The following PLCB1 variants were observed in gnomAD, a reference collection of about 807,000 sequenced individuals.
PLCB1 encodes 1-phosphatidylinositol 4,5-bisphosphate phosphodiesterase beta-1.
In PLCB1, 46 loss-of-function variants were observed where a neutral mutation model predicts 161.8. That is an observed-to-expected ratio of 0.28 (90% CI 0.22 to 0.36). The LOEUF is 0.36. Among genes scored for constraint, PLCB1 ranks in the 10% least tolerant of loss-of-function variants. The pLI, the probability that PLCB1 is intolerant of heterozygous loss-of-function variation, is 1.00. For synonymous variants in PLCB1, 517 were observed against 503.7 expected, an observed-to-expected ratio of 1.03 and a Z score of -0.35; for missense variants, 1,016 against 1,472.5, an observed-to-expected ratio of 0.69 and a Z score of 5.07.
At chr20:8,628,934 A>G (rs1383286447) in intron 4 of PLCB1, among the ~76,000 whole-genome samples, 1 of 136,082 alleles carries the variant, frequency 7.3e-6, no homozygotes, top group Non-Finnish European at 1.7e-5. Flanking sequence ...CTGTATCTCA[A>G]AAAAAAAAAA....
chr20:8,547,544 C>T (rs193086173), intron 3 of PLCB1, among the ~76,000 whole-genome samples: 4 of 141,144 alleles, frequency 2.8e-5, no homozygotes, highest in Admixed American at 1.4e-4. Context: ...CCTCATTGCC[C>T]ATATCTAACC....
At chr20:8,324,002 A>G (rs1270086784) in intron 2 of PLCB1, among the ~76,000 whole-genome samples, 2 of 152,220 alleles carry the variant, frequency 1.3e-5, no homozygotes, top group Admixed American at 1.3e-4. Context: ...CTGAAGATTT[A>G]GAAGTATGAT....
chr20:8,790,686 T>C (rs1285591049), intron 31 of PLCB1, among the ~76,000 whole-genome samples: 1 of 152,156 alleles, frequency 6.6e-6, no homozygotes, highest in Non-Finnish European at 1.5e-5. Context: ...ATCACTTTGG[T>C]TTTTATCTAG....
At chr20:8,520,581 TA>T (rs1984309999) in intron 3 of PLCB1, among the ~76,000 whole-genome samples, 1 of 152,184 alleles carries the variant, frequency 6.6e-6, no homozygotes, top group Admixed American at 6.5e-5. Context: ...CACAGAACTT[TA>T]ACAAATATAC....
intron 3 of PLCB1, among the ~76,000 whole-genome samples, chr20:8,553,699 C>T (rs1025197378): frequency 6.6e-6 from 1 of 151,944 alleles, no homozygotes; most frequent in African/African-American, 2.4e-5. Flanking sequence ...TCATTAGGAG[C>T]CTTAATAAAA....
chr20:8,820,583 TAAGTTG>T (rs1939592264), intron 31 of PLCB1, among the ~76,000 whole-genome samples: 1 of 152,126 alleles, frequency 6.6e-6, no homozygotes, highest in Admixed American at 6.5e-5. Context: ...ATTATCTAGT[TAAGTTG>T]AAGGTGTACA....
intron 9 of PLCB1, among the ~76,000 whole-genome samples, chr20:8,673,258 G>A (rs1008814780): frequency 1.4e-5 from 2 of 146,520 alleles, no homozygotes; most frequent in African/African-American, 2.7e-5. Flanking sequence ...GAGCAAATTC[G>A]GAAGCTAAGA....
intron 12 of PLCB1, among the ~76,000 whole-genome samples, chr20:8,711,250 A>G (rs1430375301): frequency 6.6e-6 from 1 of 152,224 alleles, no homozygotes; most frequent in African/African-American, 2.4e-5. Flanking sequence ...CCTTCAAAAC[A>G]TCAAATTCAG....
intron 3 of PLCB1, among the ~76,000 whole-genome samples, chr20:8,401,035 T>C (rs746997776): frequency 5.3e-5 from 8 of 152,220 alleles, no homozygotes; most frequent in African/African-American, 7.2e-5. Flanking sequence ...TGTTTCTTCA[T>C]ACTCTTGCCA....
At chr20:8,382,352 G>A (rs574781627) in intron 3 of PLCB1, among the ~76,000 whole-genome samples, 7 of 145,950 alleles carry the variant, frequency 4.8e-5, no homozygotes, top group East Asian at 4.0e-4. Context: ...GTGTGATCTC[G>A]GCTCTCTGCA....
At chr20:8,609,700 G>T (rs1357309658) in intron 3 of PLCB1, among the ~76,000 whole-genome samples, 3 of 152,108 alleles carry the variant, frequency 2.0e-5, no homozygotes, top group Non-Finnish European at 4.4e-5. Context: ...CTTAAGTGCA[G>T]TGGTGCGATC....
intron 3 of PLCB1, among the ~76,000 whole-genome samples, chr20:8,552,845 C>G (rs1985818624): frequency 6.6e-6 from 1 of 152,060 alleles, no homozygotes; most frequent in Admixed American, 6.6e-5. Flanking sequence ...TCCCAGCTGC[C>G]CATCCAGGTG....
At chr20:8,613,487 A>G (rs1987959411) in intron 3 of PLCB1, among the ~76,000 whole-genome samples, 1 of 152,158 alleles carries the variant, frequency 6.6e-6, no homozygotes, top group South Asian at 2.1e-4. Flanking sequence ...CACAAGGGGA[A>G]ATTCAGAAGA....
At chr20:8,751,193 C>T (rs573213273) in intron 23 of PLCB1, 421 of 210,186 alleles carry the variant, frequency 2.0e-3, no homozygotes, top group African/African-American at 9.0e-3. Flanking sequence ...ATCCACCCGC[C>T]TCGGCCTCCC....
intron 11 of PLCB1, among the ~76,000 whole-genome samples, chr20:8,699,983 T>C (rs936313593): frequency 1.3e-5 from 2 of 152,248 alleles, no homozygotes; most frequent in Admixed American, 1.3e-4. Context: ...GTTTAATTCA[T>C]TTCCATAGTC....
At chr20:8,482,924 A>C (rs1284937197) in intron 3 of PLCB1, among the ~76,000 whole-genome samples, 2 of 151,278 alleles carry the variant, frequency 1.3e-5, no homozygotes. Context: ...CTCTTTTTCT[A>C]AATGCCCTCT....
intron 2 of PLCB1, among the ~76,000 whole-genome samples, chr20:8,250,309 TTTAG>T (rs769612979): frequency 3.3e-5 from 5 of 151,964 alleles, no homozygotes; most frequent in Admixed American, 6.6e-5. Context: ...CTTTTCAATT[TTTAG>T]TTAGTTAATT....
intron 7 of PLCB1, chr20:8,651,406 T>G (rs1568546911): frequency 1.4e-6 from 1 of 719,178 alleles, no homozygotes; most frequent in Non-Finnish European, 2.6e-6. Context: ...TCACCTTTCT[T>G]CTATAGGTGG....
chr20:8,338,583 T>A (rs946932874), intron 2 of PLCB1, among the ~76,000 whole-genome samples: 1 of 152,212 alleles, frequency 6.6e-6, no homozygotes, highest in Admixed American at 6.6e-5. Context: ...TTTACCCAGC[T>A]GTCAGAACAA....
Sources: allele counts gnomAD v4.1 joint callset (sites outside exome capture counted in the v4.1 genomes callset), GRCh38; gene constraint gnomAD v4.1.1; transcripts MANE v1.5; gene names NCBI Gene and HGNC (gene_info 2026-07-23, HGNC 2026-07-21).